The following COBL variants were observed in gnomAD, a reference collection of about 807,000 sequenced individuals.
COBL encodes protein cordon-bleu.
COBL carries 51 observed loss-of-function variants against 98.8 expected under a neutral mutation model. The observed-to-expected ratio is 0.52, with a 90% CI of 0.41 to 0.65. COBL has a LOEUF of 0.65. Among genes scored for constraint, COBL ranks in the 30% least tolerant of loss-of-function variants. The pLI is 0.00. For synonymous variants in COBL, 634 were observed against 651.7 expected, an observed-to-expected ratio of 0.97 and a Z score of 0.41; for missense variants, 1,617 against 1,617.5, an observed-to-expected ratio of 1.00 and a Z score of 0.01.
rs116278248 is a variant in COBL at position 51,264,798 on chromosome 7, T to G, written c.42-44854A>C. On this transcript the variant is annotated intron_variant, in intron 1 of 12. Transcript: ENST00000265136. ...GGTAGAGGGCAAGTGGGGTATACAA[T>G]GAAATAAAATATACCATGTTGGAGT... Among the ~76,000 whole-genome samples the G allele has an allele frequency of 3.1e-3, 465 of 151,426 alleles. 2 individuals are homozygous for G. Among genetic ancestry groups the G allele is most frequent in the African/African-American group, 0.011 (434 of 41,236 alleles).
At chr7:51,224,583 T>C (rs932169858) in intron 1 of COBL, among the ~76,000 whole-genome samples, 66 of 151,640 alleles carry the variant, frequency 4.4e-4, no homozygotes, top group African/African-American at 1.5e-3. Context: ...AAAAAAATGC[T>C]GTACTGCACA....
At chr7:51,276,613 G>A (rs1364631350) in intron 1 of COBL, among the ~76,000 whole-genome samples, 2 of 152,226 alleles carry the variant, frequency 1.3e-5, no homozygotes, top group African/African-American at 2.4e-5. Context: ...AAGGTGTGGG[G>A]GATGAAAGGA....
At chr7:51,066,737 C>T (rs1161120621) in intron 7 of COBL, among the ~76,000 whole-genome samples, 1 of 152,174 alleles carries the variant, frequency 6.6e-6, no homozygotes, top group Non-Finnish European at 1.5e-5. Context: ...CCCACCCCTC[C>T]ATGGGCTGTA....
chr7:51,226,219 T>G (rs1297246778), intron 1 of COBL, among the ~76,000 whole-genome samples: 1 of 152,160 alleles, frequency 6.6e-6, no homozygotes, highest in Non-Finnish European at 1.5e-5. Context: ...GCAAACCGCA[T>G]GTGCTTAAAG....
At chr7:51,299,119 C>T (rs1482711092) in intron 1 of COBL, among the ~76,000 whole-genome samples, 1 of 152,200 alleles carries the variant, frequency 6.6e-6, no homozygotes, top group Non-Finnish European at 1.5e-5. Context: ...CTGCACAGCA[C>T]ACCTCCCAAA....
chr7:51,128,222 C>T (rs572466849), intron 6 of COBL, among the ~76,000 whole-genome samples: 5 of 152,204 alleles, frequency 3.3e-5, no homozygotes, highest in African/African-American at 4.8e-5. Flanking sequence ...ACATGCAGCT[C>T]AGCCTGGTCT....
chr7:51,177,775 A>AAAAAT (rs370527329), intron 5 of COBL, among the ~76,000 whole-genome samples: 69 of 142,902 alleles, frequency 4.8e-4, no homozygotes, highest in African/African-American at 1.6e-3. Flanking sequence ...CTGTCTCAAA[A>AAAAAT]AAATAAATAA....
rs1562817812 is a variant in COBL at position 51,029,527 on chromosome 7, G to A, written c.1569C>T (p.Asn523=). The A allele has an allele frequency of 2.5e-6, 4 of 1,613,774 alleles. No individual in the cohort carries two copies. The highest frequency in any genetic ancestry group is 1.7e-6 in the Non-Finnish European group (2 of 1,179,844). ...GGATCATGGCATCCTGTGGGCAGTGGTTGGATGCACCATGGATGGAGCTGG... is the reference window on the plus strand; with the variant it reads ...GGATCATGGCATCCTGTGGGCAGTGATTGGATGCACCATGGATGGAGCTGG... ...SLTSSIHGAS[N]HCPQDAMIPH... The change falls in exon 10 of 13, where the codon AAC becomes AAT. Residue 523 remains asparagine (N), a synonymous_variant. Transcript: ENST00000265136.
intron 4 of COBL, 56 bp downstream of exon 4, chr7:51,190,794 C>T: frequency 7.0e-7 from 1 of 1,421,088 alleles, no homozygotes; most frequent in South Asian, 1.2e-5. Flanking sequence ...GGGACATGTA[C>T]ACGCCGCGCA....
At chr7:51,049,048 CTT>C in intron 7 of COBL, among the ~76,000 whole-genome samples, 1 of 152,292 alleles carries the variant, frequency 6.6e-6, no homozygotes, top group South Asian at 2.1e-4. Context: ...GTTTCTAAAA[CTT>C]TTCCTCTAAT....
chr7:51,042,154 C>A (rs767887305), intron 8 of COBL, among the ~76,000 whole-genome samples: 2 of 151,736 alleles, frequency 1.3e-5, no homozygotes, highest in African/African-American at 4.8e-5. Flanking sequence ...TTTTAGGGTA[C>A]GGGAAGGATC....
intron 6 of COBL, among the ~76,000 whole-genome samples, chr7:51,113,387 T>C (rs1797007223): frequency 6.6e-6 from 1 of 152,246 alleles, no homozygotes. Flanking sequence ...CTATTGTTTA[T>C]AAAGTGTCCA....
chr7:51,076,717 G>A (rs749048527), intron 7 of COBL, among the ~76,000 whole-genome samples: 50 of 152,082 alleles, frequency 3.3e-4, no homozygotes, highest in Non-Finnish European at 6.9e-4. Flanking sequence ...GTTGGGGGGG[G>A]TTGCTTAGAA....
chr7:51,267,272 T>C (rs1458412516), intron 1 of COBL, among the ~76,000 whole-genome samples: 1 of 152,122 alleles, frequency 6.6e-6, no homozygotes, highest in African/African-American at 2.4e-5. Flanking sequence ...TTATGAAAGA[T>C]TTTCCTCTGT....
chr7:51,041,639 A>G (rs1789209722), intron 8 of COBL, among the ~76,000 whole-genome samples: 1 of 151,546 alleles, frequency 6.6e-6, no homozygotes, highest in Non-Finnish European at 1.5e-5. Flanking sequence ...AAGTGCCACC[A>G]CACCCAGCCA....
At chr7:51,034,170 TACCTCTGCATCCC>T (rs1788408377) in intron 8 of COBL, 1 of 152,490 alleles carries the variant, frequency 6.6e-6, no homozygotes, top group Non-Finnish European at 1.5e-5. Context: ...GCAATGCTGG[TACCTCTGCATCCC>T]ACCTCTGCTC....
In COBL at chr7:51,294,234, T is replaced by C. The variant is rs533910846; in HGVS notation, c.41+22359A>G. 1.1e-4 allele frequency among the ~76,000 whole-genome samples: 16 copies of C among 151,270 alleles called. No homozygotes were observed. The East Asian group carries it at 3.1e-3, about 30-fold the overall frequency. ...TGAACCTGGGAGACAGAGGCTGCACTGAGCAGAGATCATGCCACTGCACTC... is the reference window on the plus strand; with the variant it reads ...TGAACCTGGGAGACAGAGGCTGCACCGAGCAGAGATCATGCCACTGCACTC... On this transcript the variant is annotated intron_variant, in intron 1 of 12. Coordinates refer to ENST00000265136, the MANE Select transcript of COBL (RefSeq NM_015198.5).
chr7:51,168,332 A>G (rs1215349315), intron 5 of COBL, among the ~76,000 whole-genome samples: 1 of 152,134 alleles, frequency 6.6e-6, no homozygotes, highest in East Asian at 1.9e-4. Context: ...GCTACTTGAG[A>G]GGCTGAGGCA....
intron 6 of COBL, among the ~76,000 whole-genome samples, chr7:51,124,162 G>A (rs1304077105): frequency 6.6e-6 from 1 of 152,190 alleles, no homozygotes; most frequent in Admixed American, 6.5e-5. Flanking sequence ...GAACTGAACT[G>A]TTGCTGGGTC....
Sources: gnomAD v4.1 joint callset for allele counts (sites outside exome capture counted in the v4.1 genomes callset) on GRCh38, gnomAD v4.1.1 for gene constraint, MANE v1.5 for transcripts, NCBI Gene and HGNC (gene_info 2026-07-23, HGNC 2026-07-21) for gene names.